Variants in MTPN observed in about 807,000 individuals in gnomAD.
MTPN encodes the protein myotrophin, also known as granule cell differentiation protein.
In MTPN, 2 loss-of-function variants were observed where a neutral mutation model predicts 13.5. That is an observed-to-expected ratio of 0.15 (90% CI 0.06 to 0.47). MTPN has a LOEUF of 0.47. Ranked by LOEUF, MTPN falls within the 20% of genes least tolerant of loss-of-function variation. MTPN has a pLI of 0.97. For missense variants in MTPN, 79 were observed against 137.9 expected (o/e 0.57, Z 2.14); for synonymous variants, 46 against 51.7 (o/e 0.89, Z 0.48).
At chr7:135,944,737 A>G (rs1422818394) in intron 3 of MTPN, among the ~76,000 whole-genome samples, 1 of 152,256 alleles carries the variant, frequency 6.6e-6, no homozygotes, top group Non-Finnish European at 1.5e-5. Context: ...TTTCTCTTAC[A>G]GAATTGTCAA....
chr7:135,975,149 A>G (rs900890840), intron 1 of MTPN, among the ~76,000 whole-genome samples: 2 of 152,232 alleles, frequency 1.3e-5, no homozygotes, highest in African/African-American at 4.8e-5. Flanking sequence ...ATCAAATTGA[A>G]CATGATAACC....
At chr7:135,936,595 A>G (rs1415100101) in intron 3 of MTPN, among the ~76,000 whole-genome samples, 1 of 152,254 alleles carries the variant, frequency 6.6e-6, no homozygotes, top group African/African-American at 2.4e-5. Flanking sequence ...TGAATATATC[A>G]ACAAAGCATT....
chr7:135,977,165 A>C lies in MTPN; in HGVS notation c.-65T>G. 1.3e-6 allele frequency: 2 copies of C among 1,548,758 alleles called. No individual in the cohort carries two copies. Among genetic ancestry groups the C allele is most frequent in the Non-Finnish European group, 1.8e-6 (2 of 1,122,634 alleles). On this transcript the variant is annotated 5_prime_UTR_variant, in exon 1 of 4. Coordinates refer to ENST00000393085, the MANE Select transcript of MTPN (RefSeq NM_145808.4). Reference sequence around the variant, plus strand: ...AGGAGGCGGTGGCAGCAGCAAGCGGATGCCGCCGGGCGAGAGGGAGGCAGG... The same window carrying C: ...AGGAGGCGGTGGCAGCAGCAAGCGGCTGCCGCCGGGCGAGAGGGAGGCAGG...
In MTPN at chr7:135,928,828, A is replaced by G. The variant is rs554870743; in HGVS notation, c.*1098T>C. On this transcript the variant is annotated 3_prime_UTR_variant, in exon 4 of 4. Coordinates refer to ENST00000393085, the MANE Select transcript of MTPN (RefSeq NM_145808.4). The stretch of plus-strand genomic sequence containing the variant: ...AGGTGGGTTGGCATATGTTCAGCAG[A>G]AGCCTATCAACAACTCTGGGAAACC... 5.2e-4 allele frequency: 87 copies of G among 167,226 alleles called. No homozygotes were observed. The highest frequency in any genetic ancestry group is 2.0e-3 in the African/African-American group (83 of 41,582). The allele number at this position is 167,226 out of a possible 1,614,324, so 10.4% of individuals were successfully genotyped here. A position where few individuals can be genotyped will look rare whatever the true frequency, so the allele number is the denominator to read the frequency against.
chr7:135,935,153 C>CTATT (rs1799095551), intron 3 of MTPN, among the ~76,000 whole-genome samples: 1 of 152,102 alleles, frequency 6.6e-6, no homozygotes. Context: ...TCAGACCATA[C>CTATT]TATTAAGATT....
intron 3 of MTPN, among the ~76,000 whole-genome samples, chr7:135,932,042 A>G (rs1257335795): frequency 6.6e-6 from 1 of 152,196 alleles, no homozygotes; most frequent in African/African-American, 2.4e-5. Context: ...TTAACAATTT[A>G]CTGTAGCCCT....
chr7:135,951,691 G>A (rs1799365799), intron 1 of MTPN, 61 bp from the exon 2 acceptor site: 6 of 1,049,808 alleles, frequency 5.7e-6, no homozygotes, highest in Non-Finnish European at 8.5e-6. Flanking sequence ...GAAGTGAAAT[G>A]AGGCACCTGA....
At chr7:135,937,036 A>G (rs1437895596) in intron 3 of MTPN, among the ~76,000 whole-genome samples, 1 of 152,202 alleles carries the variant, frequency 6.6e-6, no homozygotes, top group Non-Finnish European at 1.5e-5. Flanking sequence ...CAACAAGAAC[A>G]TATCTTTACC....
Sources: gnomAD v4.1 joint callset for allele counts (sites outside exome capture counted in the v4.1 genomes callset) on GRCh38, gnomAD v4.1.1 for gene constraint, MANE v1.5 for transcripts, NCBI Gene and HGNC (gene_info 2026-07-23, HGNC 2026-07-21) for gene names.